MICU1: variants seen among roughly 807,000 people sequenced by gnomAD.
The protein encoded by MICU1 is calcium uptake protein 1, mitochondrial.
MICU1 carries 45 observed loss-of-function variants against 56.8 expected under a neutral mutation model. The observed-to-expected ratio is 0.79, with a 90% CI of 0.62 to 1.02. The LOEUF is 1.02. MICU1 is among the 50% of genes least tolerant of loss of function. The probability of loss-of-function intolerance (pLI) is 0.00; values close to 1 mark genes in which losing one functional copy is unlikely to be tolerated. For missense variants in MICU1, 504 were observed against 587.1 expected (o/e 0.86, Z 1.46); for synonymous variants, 186 against 195.1 (o/e 0.95, Z 0.39).
intron 1 of MICU1, among the ~76,000 whole-genome samples, chr10:72,571,355 C>A (rs1301557445): frequency 6.6e-6 from 1 of 152,116 alleles, no homozygotes; most frequent in African/African-American, 2.4e-5. Flanking sequence ...CAGAGTAAGA[C>A]CCTACCTCAA....
At chr10:72,391,748 CA>C in intron 10 of MICU1, among the ~76,000 whole-genome samples, 1 of 151,440 alleles carries the variant, frequency 6.6e-6, no homozygotes, top group Non-Finnish European at 1.5e-5. Flanking sequence ...ATAGACGTAC[CA>C]AAAAAATTAG....
chr10:72,572,836 G>A (rs1169793130), intron 1 of MICU1, among the ~76,000 whole-genome samples: 1 of 152,042 alleles, frequency 6.6e-6, no homozygotes, highest in African/African-American at 2.4e-5. Flanking sequence ...TTGCAGAATG[G>A]CACTACTGAT....
At chr10:72,435,661 C>G (rs1177869783) in intron 8 of MICU1, among the ~76,000 whole-genome samples, 1 of 152,204 alleles carries the variant, frequency 6.6e-6, no homozygotes, top group Admixed American at 6.5e-5. Flanking sequence ...GACAGACTGC[C>G]TGGAAAAACG....
intron 6 of MICU1, among the ~76,000 whole-genome samples, chr10:72,478,530 AT>A (rs1348809543): frequency 1.3e-5 from 2 of 152,264 alleles, no homozygotes; most frequent in African/African-American, 4.8e-5. Flanking sequence ...GTGAATTAAA[AT>A]TTCAGTTAAC....
intron 1 of MICU1, among the ~76,000 whole-genome samples, chr10:72,576,920 T>G (rs1277735516): frequency 6.6e-6 from 1 of 152,026 alleles, no homozygotes; most frequent in Non-Finnish European, 1.5e-5. Flanking sequence ...GCAAAAAAAA[T>G]ATGGAACTGA....
At chr10:72,550,538 A>C (rs1225132663) in intron 4 of MICU1, among the ~76,000 whole-genome samples, 1 of 152,226 alleles carries the variant, frequency 6.6e-6, no homozygotes, top group African/African-American at 2.4e-5. Flanking sequence ...TGAATTAGTG[A>C]ATATCAACCT....
At chr10:72,519,500 A>G (rs1867754157) in intron 5 of MICU1, among the ~76,000 whole-genome samples, 1 of 152,206 alleles carries the variant, frequency 6.6e-6, no homozygotes, top group Non-Finnish European at 1.5e-5. Context: ...TAACTGTTAC[A>G]CTTCACAGTA....
intron 9 of MICU1, among the ~76,000 whole-genome samples, chr10:72,416,011 C>A (rs568166895): frequency 2.0e-5 from 3 of 152,180 alleles, no homozygotes; most frequent in South Asian, 4.2e-4. Flanking sequence ...ATGTCTAGTA[C>A]ACAGAAAGTA....
intron 1 of MICU1, among the ~76,000 whole-genome samples, chr10:72,604,839 C>T (rs1288253469): frequency 6.6e-6 from 1 of 152,094 alleles, no homozygotes; most frequent in Non-Finnish European, 1.5e-5. Flanking sequence ...TTTCTAGATA[C>T]CAGATCGTAA....
chr10:72,536,258 T>A (rs1251629230), intron 4 of MICU1, among the ~76,000 whole-genome samples: 1 of 149,974 alleles, frequency 6.7e-6, no homozygotes, highest in African/African-American at 2.4e-5. Context: ...CCTTATCTAA[T>A]CACTATATAA....
chr10:72,395,771 A>G (rs943311546), intron 10 of MICU1, among the ~76,000 whole-genome samples: 4 of 152,228 alleles, frequency 2.6e-5, no homozygotes, highest in African/African-American at 4.8e-5. Flanking sequence ...TAAACAAAGC[A>G]GCTGGGAAGC....
At chr10:72,595,093 A>G (rs1469607005) in intron 1 of MICU1, among the ~76,000 whole-genome samples, 1 of 151,952 alleles carries the variant, frequency 6.6e-6, no homozygotes, top group Non-Finnish European at 1.5e-5. Context: ...GAAATTCCGT[A>G]TTTTTCCATG....
At chr10:72,441,621 T>C (rs568752183) in intron 8 of MICU1, among the ~76,000 whole-genome samples, 41 of 141,022 alleles carry the variant, frequency 2.9e-4, no homozygotes, top group South Asian at 1.2e-3. Context: ...TTTTCTTTTT[T>C]TTTTTTTTTT....
intron 10 of MICU1, among the ~76,000 whole-genome samples, chr10:72,403,947 G>T (rs751822413): frequency 2.6e-5 from 4 of 151,438 alleles, no homozygotes; most frequent in Non-Finnish European, 5.9e-5. Flanking sequence ...GAGCCACCAC[G>T]CCCGGCAGTG....
At chr10:72,374,936 G>A (rs538762719) in intron 11 of MICU1, among the ~76,000 whole-genome samples, 27 of 147,962 alleles carry the variant, frequency 1.8e-4, no homozygotes, top group East Asian at 4.1e-4. Context: ...TCAGCCTCTC[G>A]AGTAGCTGGG....
intron 10 of MICU1, among the ~76,000 whole-genome samples, chr10:72,398,507 G>A (rs573453140): frequency 4.0e-5 from 6 of 151,800 alleles, no homozygotes; most frequent in African/African-American, 1.4e-4. Flanking sequence ...TCTAGGAGCC[G>A]GTTTTTTGAA....
intron 1 of MICU1, among the ~76,000 whole-genome samples, chr10:72,597,313 T>C (rs538144168): frequency 6.6e-6 from 1 of 152,312 alleles, no homozygotes; most frequent in Non-Finnish European, 1.5e-5. Context: ...AAATCTTTCA[T>C]CTGTTTCAGT....
At chr10:72,611,189 G>A (rs1252676414) in intron 1 of MICU1, among the ~76,000 whole-genome samples, 6 of 151,902 alleles carry the variant, frequency 3.9e-5, no homozygotes, top group African/African-American at 1.5e-4. Context: ...TGTAGTCCCA[G>A]CTACTCGGGA....
At chr10:72,420,975 C>G (rs1864141098) in intron 9 of MICU1, among the ~76,000 whole-genome samples, 1 of 138,092 alleles carries the variant, frequency 7.2e-6, no homozygotes, top group Non-Finnish European at 1.5e-5. Flanking sequence ...GCATTCCAGC[C>G]TGGGCAACAA....
Sources: gnomAD v4.1 joint callset for allele counts (sites outside exome capture counted in the v4.1 genomes callset) on GRCh38, gnomAD v4.1.1 for gene constraint, MANE v1.5 for transcripts, NCBI Gene and HGNC (gene_info 2026-07-23, HGNC 2026-07-21) for gene names.